The following AP1AR variants were observed in gnomAD, a reference collection of about 807,000 sequenced individuals.
AP1AR encodes adaptor related protein complex 1 associated regulatory protein.
AP1AR carries 29 observed loss-of-function variants against 46.3 expected under a neutral mutation model. The ratio of observed to expected loss-of-function variants is 0.63; its 90% CI spans 0.47 to 0.85. The LOEUF is 0.85. AP1AR is among the 40% of genes least tolerant of loss of function. The pLI is 0.00. For missense variants in AP1AR, 357 were observed against 356.3 expected (o/e 1.00, Z -0.02); for synonymous variants, 122 against 122.9 (o/e 0.99, Z 0.05).
chr4:112,240,611 C>A (rs1367178085), intron 1 of AP1AR, among the ~76,000 whole-genome samples: 1 of 152,274 alleles, frequency 6.6e-6, no homozygotes, highest in South Asian at 2.1e-4. Context: ...ATGTCAGGTT[C>A]TTTTCACTCC....
In AP1AR at chr4:112,269,428, A is replaced by G. The variant is rs752198212; in HGVS notation, c.*1019A>G. 2.0e-5 allele frequency: 3 copies of G among 152,416 alleles called. No homozygotes were observed. The highest frequency in any genetic ancestry group is 6.6e-5 in the Admixed American group (1 of 15,240). The allele number at this position is 152,416 out of a possible 1,614,324, so 9.4% of individuals were successfully genotyped here. A position where few individuals can be genotyped will look rare whatever the true frequency, so the allele number is the denominator to read the frequency against. On this transcript the variant is annotated 3_prime_UTR_variant, in exon 10 of 10. Coordinates refer to ENST00000274000, the MANE Select transcript of AP1AR (RefSeq NM_018569.6). ...CTATAACTGCATTTTGTGCTAGACA[A>G]TTACTGTTCTTTTCTCTAAAATGTA... is the stretch of plus-strand genomic sequence containing the variant.
chr4:112,237,502 G>C (rs151246955), intron 1 of AP1AR, among the ~76,000 whole-genome samples: 498 of 148,942 alleles, frequency 3.3e-3, no homozygotes, highest in African/African-American at 0.012. Context: ...CTGTCACCCA[G>C]GCTGGAGTGC....
intron 4 of AP1AR, among the ~76,000 whole-genome samples, chr4:112,260,529 G>A (rs917086365): frequency 6.6e-6 from 1 of 152,240 alleles, no homozygotes. Flanking sequence ...AAAGGTAGCT[G>A]TAATGCTTTA....
chr4:112,255,303 C>A (rs1404788012), intron 3 of AP1AR, among the ~76,000 whole-genome samples: 1 of 152,088 alleles, frequency 6.6e-6, no homozygotes, highest in Admixed American at 6.5e-5. Flanking sequence ...TATACACACA[C>A]AGGATTTAAA....
intron 6 of AP1AR, among the ~76,000 whole-genome samples, chr4:112,263,522 G>T (rs577304068): frequency 6.6e-6 from 1 of 151,548 alleles, no homozygotes; most frequent in African/African-American, 2.4e-5. Flanking sequence ...CCTGGAACTG[G>T]ATAAACTGTG....
At chr4:112,256,114 G>C (rs963347627) in intron 3 of AP1AR, among the ~76,000 whole-genome samples, 2 of 152,008 alleles carry the variant, frequency 1.3e-5, no homozygotes, top group African/African-American at 4.8e-5. Flanking sequence ...GCATGTAAAA[G>C]ATTGAGATAA....
intron 1 of AP1AR, among the ~76,000 whole-genome samples, chr4:112,236,845 A>G (rs1725262761): frequency 6.6e-6 from 1 of 152,220 alleles, no homozygotes; most frequent in Non-Finnish European, 1.5e-5. Flanking sequence ...AAAAAATGTC[A>G]GGATACAAAT....
Position 112,266,586 on chromosome 4 carries a change from A to G in AP1AR, c.515-2A>G. On this transcript the variant is annotated splice_acceptor_variant, in intron 8 of 9. Transcript: ENST00000274000. LOFTEE classifies it high-confidence loss of function. ...TTCAATTGTATTTCGTGTATATTCT[A>G]GGACTCTCATCAGATGCTACAGTTT... 1.2e-6 allele frequency: 2 copies of G among 1,609,204 alleles called. No individual in the cohort carries two copies. The highest frequency in any genetic ancestry group is 1.7e-6 in the Non-Finnish European group (2 of 1,177,080).
intron 1 of AP1AR, among the ~76,000 whole-genome samples, chr4:112,246,946 C>T (rs905599862): frequency 2.0e-5 from 3 of 152,178 alleles, no homozygotes; most frequent in African/African-American, 7.2e-5. Context: ...TAACTTCCTT[C>T]TCTTTCTTTT....
intron 7 of AP1AR, chr4:112,265,422 A>T: frequency 2.8e-6 from 1 of 357,324 alleles, no homozygotes; most frequent in African/African-American, 2.1e-5. Context: ...TGGAAGAGAT[A>T]TTTCAGTGTC....
At position 112,272,275 on chromosome 4, in the gene AP1AR, G is replaced by A. The variant is rs893796788; in HGVS notation, c.*3866G>A. 6.6e-6 allele frequency among the ~76,000 whole-genome samples: 1 copy of A among 152,152 alleles called. No homozygotes were observed. The highest frequency in any genetic ancestry group is 2.4e-5 in the African/African-American group (1 of 41,434). Reference sequence around the variant, plus strand: ...GGACAGCGCCACAAAGACTGTGAGGGCTGGTGACAGGGAAGGGAAAATCTA... The same window carrying A: ...GGACAGCGCCACAAAGACTGTGAGGACTGGTGACAGGGAAGGGAAAATCTA... On this transcript the variant is annotated 3_prime_UTR_variant, in exon 10 of 10. Coordinates refer to ENST00000274000, the MANE Select transcript of AP1AR (RefSeq NM_018569.6).
At chr4:112,258,607 G>A (rs960453194) in intron 4 of AP1AR, among the ~76,000 whole-genome samples, 3 of 152,182 alleles carry the variant, frequency 2.0e-5, no homozygotes, top group African/African-American at 7.2e-5. Context: ...TTGTTGAAAG[G>A]TTGGTTAATG....
chr4:112,264,476 A>G (rs1456263411), intron 6 of AP1AR, among the ~76,000 whole-genome samples: 1 of 152,190 alleles, frequency 6.6e-6, no homozygotes, highest in South Asian at 2.1e-4. Flanking sequence ...TTATAGGTGA[A>G]GGAACAGTAG....
At chr4:112,237,894 C>T (rs1725322377) in intron 1 of AP1AR, among the ~76,000 whole-genome samples, 1 of 152,198 alleles carries the variant, frequency 6.6e-6, no homozygotes, top group African/African-American at 2.4e-5. Context: ...ATATTTTCTA[C>T]AGGCTTATTT....
intron 1 of AP1AR, among the ~76,000 whole-genome samples, chr4:112,239,432 T>C (rs1472880016): frequency 6.6e-6 from 1 of 152,200 alleles, no homozygotes; most frequent in Non-Finnish European, 1.5e-5. Flanking sequence ...ATTCATTTTC[T>C]TCTCAGTCAT....
chr4:112,252,905 T>G (rs1211577506), intron 1 of AP1AR, among the ~76,000 whole-genome samples: 1 of 152,226 alleles, frequency 6.6e-6, no homozygotes, highest in African/African-American at 2.4e-5. Context: ...GTAAAAATAA[T>G]GAGATACATT....
At chr4:112,260,625 A>C in intron 4 of AP1AR, 141 bp from the exon 5 acceptor site, 1 of 539,062 alleles carries the variant, frequency 1.9e-6, no homozygotes, top group Non-Finnish European at 3.3e-6. Context: ...TACTCTTAAC[A>C]ATTGAAGTTG....
chr4:112,235,652 TAGAA>T (rs1041936113), intron 1 of AP1AR, among the ~76,000 whole-genome samples: 2 of 152,188 alleles, frequency 1.3e-5, no homozygotes, highest in Admixed American at 6.5e-5. Context: ...AACTGAAACT[TAGAA>T]AGTTGAACTT....
chr4:112,249,358 TTAAA>T (rs1725855225), intron 1 of AP1AR, among the ~76,000 whole-genome samples: 1 of 94,498 alleles, frequency 1.1e-5, no homozygotes, highest in Non-Finnish European at 2.0e-5. Context: ...GTACTTTTCT[TTAAA>T]AAAAAAAAAT....
Sources: gnomAD v4.1 joint callset for allele counts (sites outside exome capture counted in the v4.1 genomes callset) on GRCh38, gnomAD v4.1.1 for gene constraint, MANE v1.5 for transcripts, NCBI Gene and HGNC (gene_info 2026-07-23, HGNC 2026-07-21) for gene names.